The following FIG4 variants were observed in gnomAD, a reference collection of about 807,000 sequenced individuals.
FIG4 encodes FIG4 phosphoinositide 5-phosphatase, also known as polyphosphoinositide phosphatase.
In FIG4, 112 loss-of-function variants were observed where a neutral mutation model predicts 118.6. The ratio of observed to expected loss-of-function variants is 0.94; its 90% CI spans 0.81 to 1.11. The LOEUF (loss-of-function observed/expected upper bound fraction) is 1.11, where lower values mean the gene tolerates loss of function less well. Among genes scored for constraint, FIG4 ranks in the 50% least tolerant of loss-of-function variants. FIG4 has a pLI of 0.00. For missense variants in FIG4, 969 were observed against 1,111.7 expected, an observed-to-expected ratio of 0.87 and a Z score of 1.83; for synonymous variants, 369 against 381.2, an observed-to-expected ratio of 0.97 and a Z score of 0.37.
At chr6:109,766,200 T>C (rs74951549) in intron 14 of FIG4, among the ~76,000 whole-genome samples, 21 of 152,266 alleles carry the variant, frequency 1.4e-4, no homozygotes, top group African/African-American at 4.6e-4. Flanking sequence ...GAGAAGACCA[T>C]CTGTGATCTA....
At position 109,791,544 on chromosome 6, in the gene FIG4, T is replaced by C. The variant is rs761632468; in HGVS notation, c.2349T>C (p.Asp783=). The part of the protein sequence containing the change: ...SQRSTPVKMT[D]AGDSAKVTEN... Reference sequence around the variant, plus strand: ...GCTCCACTCCCGTGAAGATGACTGATGCAGGAGACAGTGCCAAAGTGACCG... The same window carrying C: ...GCTCCACTCCCGTGAAGATGACTGACGCAGGAGACAGTGCCAAAGTGACCG... The change falls in exon 20 of 23, where the codon GAT becomes GAC. Residue 783 remains aspartate (D), a synonymous_variant. Coordinates refer to ENST00000230124, the MANE Select transcript of FIG4 (RefSeq NM_014845.6). 1.2e-6 allele frequency: 2 copies of C among 1,613,982 alleles called. No homozygotes were observed. The highest frequency in any genetic ancestry group is 2.2e-5 in the East Asian group (1 of 44,876).
intron 15 of FIG4, among the ~76,000 whole-genome samples, chr6:109,770,632 C>T (rs995826548): frequency 6.6e-6 from 1 of 151,990 alleles, no homozygotes; most frequent in African/African-American, 2.4e-5. Flanking sequence ...TAGGTGGGGC[C>T]TCAGGGAACT....
intron 22 of FIG4, 41 bp downstream of exon 22, chr6:109,796,892 A>T (rs1440013295): frequency 8.8e-7 from 1 of 1,132,186 alleles, no homozygotes; most frequent in Non-Finnish European, 1.4e-6. Context: ...CTTTGTATTC[A>T]TGCCACTCAT....
At chr6:109,744,379 G>A (rs2128387198) in intron 10 of FIG4, among the ~76,000 whole-genome samples, 1 of 152,200 alleles carries the variant, frequency 6.6e-6, no homozygotes, top group African/African-American at 2.4e-5. Context: ...GCTGAGGATA[G>A]GAGGCAGGGA....
intron 17 of FIG4, chr6:109,785,611 G>C (rs971461978): frequency 2.6e-5 from 12 of 466,036 alleles, no homozygotes; most frequent in African/African-American, 1.2e-4. Flanking sequence ...ATAAAGCTTA[G>C]TTCTGGCTTT....
intron 1 of FIG4, among the ~76,000 whole-genome samples, chr6:109,696,190 A>G (rs1015015633): frequency 6.6e-6 from 1 of 152,140 alleles, no homozygotes; most frequent in Admixed American, 6.5e-5. Flanking sequence ...ACGTTTGTTC[A>G]TGTTTCAATT....
Position 109,762,216 on chromosome 6 carries a change from G to T in FIG4, c.1388+9G>T. 1 of 1,493,718 alleles carries T rather than the reference G, an allele frequency of 6.7e-7. No individual in the cohort carries two copies. The highest frequency in any genetic ancestry group is 1.1e-5 in the South Asian group (1 of 88,640). 92.5% of individuals were successfully genotyped at this position (1,493,718 alleles called of 1,614,324 possible). On this transcript the variant is annotated intron_variant, in intron 12 of 22. Coordinates refer to ENST00000230124, the MANE Select transcript of FIG4 (RefSeq NM_014845.6). Reference sequence around the variant, plus strand: ...TTGCGGCCAGATGAAAAGTATGTATGGTATTTTAAAACTTATAATAAATGA... The same window carrying T: ...TTGCGGCCAGATGAAAAGTATGTATTGTATTTTAAAACTTATAATAAATGA...
intron 22 of FIG4, among the ~76,000 whole-genome samples, chr6:109,815,951 CAG>C (rs1292497150): frequency 6.6e-6 from 1 of 151,964 alleles, no homozygotes; most frequent in Non-Finnish European, 1.5e-5. Context: ...ATAATACTAA[CAG>C]ATTATAGGCC....
At chr6:109,778,641 C>T (rs565125780) in intron 16 of FIG4, among the ~76,000 whole-genome samples, 1 of 152,128 alleles carries the variant, frequency 6.6e-6, no homozygotes, top group South Asian at 2.1e-4. Context: ...CTCTGTGGCC[C>T]AGGCTGGAGT....
At chr6:109,734,216 G>T (rs1407732247) in intron 5 of FIG4, among the ~76,000 whole-genome samples, 1 of 151,430 alleles carries the variant, frequency 6.6e-6, no homozygotes, top group African/African-American at 2.4e-5. Flanking sequence ...TTTAAAATAT[G>T]ACTAAAATAC....
chr6:109,710,854 T>C (rs1364207651), intron 1 of FIG4, among the ~76,000 whole-genome samples: 4 of 152,144 alleles, frequency 2.6e-5, no homozygotes, highest in African/African-American at 9.7e-5. Context: ...TTGTGTTTGT[T>C]TGAATCTTCT....
intron 22 of FIG4, among the ~76,000 whole-genome samples, chr6:109,810,172 G>A (rs1296841136): frequency 6.6e-6 from 1 of 152,196 alleles, no homozygotes; most frequent in Non-Finnish European, 1.5e-5. Context: ...TGTATGGGCT[G>A]ATGGTGATTG....
chr6:109,716,419 T>G lies in FIG4; in HGVS notation c.166-26T>G, dbSNP rs1209368267. The G allele has an allele frequency of 2.5e-6, 4 of 1,611,564 alleles. No homozygotes were observed. In the South Asian group the frequency reaches 4.4e-5, roughly 18 times the overall value. On this transcript the variant is annotated intron_variant, in intron 2 of 22. Transcript: ENST00000230124. The stretch of plus-strand genomic sequence containing the variant: ...ATAATCTAAAGTTTAAGCACAACCT[T>G]ACAGAGTAAATGTGCTTATTCTTAG...
intron 22 of FIG4, among the ~76,000 whole-genome samples, chr6:109,818,785 C>G (rs1247889690): frequency 6.6e-6 from 1 of 152,182 alleles, no homozygotes; most frequent in South Asian, 2.1e-4. Flanking sequence ...AAAACACATA[C>G]CCTGCATCCT....
chr6:109,759,514 A>G (rs1020607076), intron 10 of FIG4, among the ~76,000 whole-genome samples: 15 of 152,220 alleles, frequency 9.9e-5, no homozygotes, highest in Non-Finnish European at 1.6e-4. Context: ...TTATAGATGA[A>G]AAAATGGAGG....
chr6:109,733,464 T>A (rs1238433626), intron 5 of FIG4, among the ~76,000 whole-genome samples: 1 of 152,070 alleles, frequency 6.6e-6, no homozygotes, highest in African/African-American at 2.4e-5. Context: ...ACTTGAGTCA[T>A]AAAGACTAAA....
At chr6:109,805,614 A>G (rs957828266) in intron 22 of FIG4, among the ~76,000 whole-genome samples, 2 of 152,174 alleles carry the variant, frequency 1.3e-5, no homozygotes, top group Non-Finnish European at 2.9e-5. Context: ...CCAAAATCCT[A>G]ATTAAATCCT....
At chr6:109,742,802 T>G (rs1377408281) in intron 8 of FIG4, among the ~76,000 whole-genome samples, 1 of 152,118 alleles carries the variant, frequency 6.6e-6, no homozygotes, top group Non-Finnish European at 1.5e-5. Flanking sequence ...TTCATGTAAT[T>G]GTCATTTCTT....
intron 1 of FIG4, among the ~76,000 whole-genome samples, chr6:109,697,261 C>CAA (rs566216314): frequency 0.011 from 664 of 63,114 alleles, 10 homozygotes; most frequent in African/African-American, 0.032. Flanking sequence ...GACTCTGTCT[C>CAA]AAAAAAAAAA....
Sources: gnomAD v4.1 joint callset for allele counts (sites outside exome capture counted in the v4.1 genomes callset) on GRCh38, gnomAD v4.1.1 for gene constraint, MANE v1.5 for transcripts, NCBI Gene and HGNC (gene_info 2026-07-23, HGNC 2026-07-21) for gene names.